MTARC1: variants seen among roughly 807,000 people sequenced by gnomAD.
MTARC1 encodes the protein mitochondrial amidoxime-reducing component 1.
In MTARC1, 24 loss-of-function variants were observed where a neutral mutation model predicts 33.6. The observed-to-expected ratio is 0.72, with a 90% CI of 0.52 to 1.01. The LOEUF is 1.01. Among genes scored for constraint, MTARC1 ranks in the 50% least tolerant of loss-of-function variants. MTARC1 has a pLI of 0.00. For missense variants in MTARC1, 417 were observed against 445.7 expected (o/e 0.94, Z 0.58); for synonymous variants, 187 against 189.5 (o/e 0.99, Z 0.11).
At position 220,796,799 on chromosome 1, in the gene MTARC1, G is replaced by T. The variant is rs767360276; in HGVS notation, c.606G>T (p.Lys202Asn). ...AAATAGCAGACTTGTTCCGACCCAA[G>T]GACCAGGTGAGAGGTTCTGCTGCCT... ...PHQIADLFRP[K>N]DQIAYSDTSP... is the part of the protein sequence containing the mutation. The change falls in exon 3 of 7, where the codon AAG becomes AAT. Residue 202 changes from lysine to asparagine, a missense_variant. Transcript: ENST00000366910. 6.2e-7 allele frequency: 1 copy of T among 1,606,506 alleles called. No individual in the cohort carries two copies. The highest frequency in any genetic ancestry group is 8.5e-7 in the Non-Finnish European group (1 of 1,176,570).
chr1:220,800,254 G>A (rs1192541863), intron 4 of MTARC1, among the ~76,000 whole-genome samples: 2 of 152,216 alleles, frequency 1.3e-5, no homozygotes, highest in African/African-American at 2.4e-5. Flanking sequence ...GTGAAGCTGG[G>A]CGGTAACACA....
chr1:220,789,324 G>A (rs922212142), intron 1 of MTARC1, among the ~76,000 whole-genome samples: 1 of 152,180 alleles, frequency 6.6e-6, no homozygotes, highest in Non-Finnish European at 1.5e-5. Flanking sequence ...GGGAAAGGCT[G>A]GCATAGTCAA....
intron 6 of MTARC1, among the ~76,000 whole-genome samples, chr1:220,810,451 C>T (rs1178481092): frequency 7.4e-6 from 1 of 135,668 alleles, no homozygotes; most frequent in Non-Finnish European, 1.6e-5. Flanking sequence ...CCTGGCAGGC[C>T]GGCCCACCGA....
In MTARC1 at chr1:220,818,769, C is replaced by G. The variant is rs1250281337; in HGVS notation, c.*5351C>G. ...ATTATTTCTGATTAACATTTTTACACCTAACAAAGTCTCAGAGAGATTGAA... is the reference window on the plus strand; with the variant it reads ...ATTATTTCTGATTAACATTTTTACAGCTAACAAAGTCTCAGAGAGATTGAA... On this transcript the variant is annotated 3_prime_UTR_variant, in exon 7 of 7. Coordinates refer to ENST00000366910, the MANE Select transcript of MTARC1 (RefSeq NM_022746.4). 1.3e-5 allele frequency: 2 copies of G among 152,154 alleles called. No individual in the cohort carries two copies. Among genetic ancestry groups the G allele is most frequent in the African/African-American group, 4.8e-5 (2 of 41,434 alleles). The allele number at this position is 152,154 out of a possible 1,614,324, so 9.4% of individuals were successfully genotyped here. A position where few individuals can be genotyped will look rare whatever the true frequency, so the allele number is the denominator to read the frequency against.
Position 220,819,310 on chromosome 1 carries a change from A to G in MTARC1, c.*5892A>G, listed in dbSNP as rs1055012150. ...CAACCATAATCTGCCCTCAGTCATCATAAATATAAATGTATTGGTCAAACA... is the reference window on the plus strand; with the variant it reads ...CAACCATAATCTGCCCTCAGTCATCGTAAATATAAATGTATTGGTCAAACA... On this transcript the variant is annotated 3_prime_UTR_variant, in exon 7 of 7. Transcript: ENST00000366910. 1 of 152,248 alleles carries G rather than the reference A, an allele frequency of 6.6e-6. No homozygotes were observed. Among genetic ancestry groups the G allele is most frequent in the African/African-American group, 2.4e-5 (1 of 41,468 alleles). The allele number at this position is 152,248 out of a possible 1,614,324, so 9.4% of individuals were successfully genotyped here.
intron 4 of MTARC1, chr1:220,798,844 T>G: frequency 1.0e-6 from 1 of 985,398 alleles, no homozygotes; most frequent in Non-Finnish European, 1.2e-6. Context: ...AAAAATGGAA[T>G]CAAAGCAATT....
At chr1:220,806,367 C>A (rs72472345) in intron 6 of MTARC1, among the ~76,000 whole-genome samples, 3,500 of 152,226 alleles carry the variant, frequency 0.023, 144 homozygotes, top group African/African-American at 0.08. Context: ...CTGACTTGGC[C>A]TCCCCAGGTG....
intron 4 of MTARC1, chr1:220,799,241 G>T (rs67175231): frequency 3.3e-5 from 31 of 931,352 alleles, no homozygotes; most frequent in Non-Finnish European, 3.8e-5. Flanking sequence ...CAAGGGTAGC[G>T]TTTCTTCTAA....
chr1:220,798,169 T>C, intron 4 of MTARC1, 155 bp downstream of exon 4: 1 of 1,582,156 alleles, frequency 6.3e-7, no homozygotes, highest in Non-Finnish European at 8.6e-7. Flanking sequence ...CAGCACTTAA[T>C]AAGTGCAGAC....
At chr1:220,804,684 A>G (rs1204010296) in intron 4 of MTARC1, among the ~76,000 whole-genome samples, 1 of 151,968 alleles carries the variant, frequency 6.6e-6, no homozygotes, top group Non-Finnish European at 1.5e-5. Context: ...GTAATGAACA[A>G]TGCCCCCATC....
rs183447263 is a variant in MTARC1, at chr1:220,796,536, G to A, written c.450-107G>A. On this transcript the variant is annotated intron_variant, in intron 2 of 6. Transcript: ENST00000366910. Reference sequence around the variant, plus strand: ...TTACATCTTCTGATAATTAAGAAATGACAGTAATGTTACAGCTAGGAGCAG... The same window carrying A: ...TTACATCTTCTGATAATTAAGAAATAACAGTAATGTTACAGCTAGGAGCAG... The A allele has an allele frequency of 6.7e-4, 852 of 1,276,182 alleles. 4 individuals are homozygous for A. The African/African-American group carries it at 0.011, about 16-fold the overall frequency. 79.1% of individuals were successfully genotyped at this position (1,276,182 alleles called of 1,614,324 possible). A position where few individuals can be genotyped will look rare whatever the true frequency, so the allele number is the denominator to read the frequency against.
chr1:220,804,163 G>C (rs1167290310), intron 4 of MTARC1, among the ~76,000 whole-genome samples: 1 of 151,996 alleles, frequency 6.6e-6, no homozygotes, highest in Non-Finnish European at 1.5e-5. Context: ...CCTCTGCCTG[G>C]AGTCCCCTTA....
chr1:220,798,075 T>A, intron 4 of MTARC1, 61 bp downstream of exon 4: 3 of 1,613,386 alleles, frequency 1.9e-6, no homozygotes, highest in Non-Finnish European at 2.5e-6. Flanking sequence ...GGTATGAGAG[T>A]CTTTGACATT....
In MTARC1 at chr1:220,816,548, C is replaced by T. The variant is rs948492284; in HGVS notation, c.*3130C>T. On this transcript the variant is annotated 3_prime_UTR_variant, in exon 7 of 7. Coordinates refer to ENST00000366910, the MANE Select transcript of MTARC1 (RefSeq NM_022746.4). The stretch of plus-strand genomic sequence containing the variant: ...CTCACTTCTCTTCAAAGGCAAAAGG[C>T]TCTGGAGAGGCCTTCATGAAGACAT... The T allele has an allele frequency of 6.6e-6, 1 of 152,228 alleles. No individual in the cohort carries two copies. The highest frequency in any genetic ancestry group is 2.4e-5 in the African/African-American group (1 of 41,454). 9.4% of individuals were successfully genotyped at this position (152,228 alleles called of 1,614,324 possible). A position where few individuals can be genotyped will look rare whatever the true frequency, so the allele number is the denominator to read the frequency against.
Position 220,797,873 on chromosome 1 carries a change from G to C in MTARC1, c.613-1G>C, listed in dbSNP as rs1229120370. On this transcript the variant is annotated splice_acceptor_variant, in intron 3 of 6. Transcript: ENST00000366910. LOFTEE classifies it high-confidence loss of function. ...TATAACAATGTCTATTTCCTTATCAGATTGCTTACTCAGACACCAGCCCAT... is the reference window on the plus strand; with the variant it reads ...TATAACAATGTCTATTTCCTTATCACATTGCTTACTCAGACACCAGCCCAT... 2.5e-6 allele frequency: 4 copies of C among 1,614,118 alleles called. No homozygotes were observed. Among genetic ancestry groups the C allele is most frequent in the Non-Finnish European group, 8.5e-7 (1 of 1,179,960 alleles).
At chr1:220,787,436 G>A (rs1241671014) in intron 1 of MTARC1, among the ~76,000 whole-genome samples, 1 of 152,134 alleles carries the variant, frequency 6.6e-6, no homozygotes, top group African/African-American at 2.4e-5. Flanking sequence ...GCGTGGACCC[G>A]TTTTCCCGGG....
At chr1:220,802,142 C>G (rs1257644819) in intron 4 of MTARC1, among the ~76,000 whole-genome samples, 1 of 152,176 alleles carries the variant, frequency 6.6e-6, no homozygotes, top group East Asian at 1.9e-4. Context: ...TTTTCTCTCC[C>G]CTCCTTGGTG....
chr1:220,787,331 T>C, intron 1 of MTARC1, 112 bp downstream of exon 1: 1 of 1,342,928 alleles, frequency 7.4e-7, no homozygotes, highest in African/African-American at 1.5e-5. Context: ...CTTCCTCCTA[T>C]TACAAAGAAA....
At chr1:220,810,720 T>C (rs1206789577) in intron 6 of MTARC1, among the ~76,000 whole-genome samples, 1 of 152,018 alleles carries the variant, frequency 6.6e-6, no homozygotes, top group African/African-American at 2.4e-5. Flanking sequence ...TGGCTAGAAA[T>C]TGGTGTAGGT....
Sources: allele counts gnomAD v4.1 joint callset (sites outside exome capture counted in the v4.1 genomes callset), GRCh38; gene constraint gnomAD v4.1.1; transcripts MANE v1.5; gene names NCBI Gene and HGNC (gene_info 2026-07-23, HGNC 2026-07-21).